Variants in FLNC observed in about 807,000 individuals in gnomAD.
The protein encoded by FLNC is filamin C.
In FLNC, 91 loss-of-function variants were observed where a neutral mutation model predicts 254.3. The ratio of observed to expected loss-of-function variants is 0.36; its 90% CI spans 0.30 to 0.43. The LOEUF (loss-of-function observed/expected upper bound fraction) is 0.43, where lower values mean the gene tolerates loss of function less well. Ranked by LOEUF, FLNC falls within the 20% of genes least tolerant of loss-of-function variation. FLNC has a pLI of 1.00. For missense variants in FLNC, 2,853 were observed against 3,802.6 expected, an observed-to-expected ratio of 0.75 and a Z score of 6.57; for synonymous variants, 1,430 against 1,577.2, an observed-to-expected ratio of 0.91 and a Z score of 2.21.
chr7:128,858,792 C>T lies in FLNC; in HGVS notation c.*269C>T. The T allele has an allele frequency of 5.6e-6, 3 of 540,324 alleles. No homozygotes were observed. The highest frequency in any genetic ancestry group is 6.7e-6 in the Non-Finnish European group (2 of 298,968). 33.5% of individuals were successfully genotyped at this position (540,324 alleles called of 1,614,324 possible). On this transcript the variant is annotated 3_prime_UTR_variant, in exon 48 of 48. Transcript: ENST00000325888. This position sits in a 1 kb window ranked among gnomAD's most constrained non-coding sequence, Gnocchi z 6.7. ...CCAGGCTCAGGGGCAGAGGCTGGGA[C>T]ACAAGGGGCTGGCGAGGGCTGCGAG...
chr7:128,856,568 C>G lies in FLNC; in HGVS notation c.7302C>G (p.Asn2434Lys), dbSNP rs760533029. The change falls in exon 44 of 48, where the codon AAC becomes AAG. Residue 2434 changes from asparagine to lysine, a missense_variant. Asn to Lys is a moderately conservative substitution (Grantham distance 94). Around this residue, in one of 10 missense-constraint regions of FLNC, gnomAD observed 551 missense variants for 835.0 expected, o/e 0.66. Coordinates refer to ENST00000325888, the MANE Select transcript of FLNC (RefSeq NM_001458.5). The surrounding 1 kb of genome is among the most constrained non-coding windows in gnomAD (Gnocchi z 5.9). The stretch of plus-strand genomic sequence containing the variant: ...CAGCGTCCTTTGCCGTGCAGCTGAA[C>G]GGTGCCCGGGGCGTGATTGATGCCC... ...NQPASFAVQL[N>K]GARGVIDARV... 6.2e-7 allele frequency: 1 copy of G among 1,612,916 alleles called. No homozygotes were observed. The highest frequency in any genetic ancestry group is 1.1e-5 in the South Asian group (1 of 91,084).
intron 43 of FLNC, among the ~76,000 whole-genome samples, chr7:128,855,623 AT>A (rs2128939880): frequency 6.6e-6 from 1 of 152,320 alleles, no homozygotes; most frequent in South Asian, 2.1e-4. Context: ...AGATGACAAC[AT>A]TTATAAGAAT....
At position 128,842,805 on chromosome 7, in the gene FLNC, A is replaced by G; in HGVS notation, c.2401A>G (p.Ile801Val). 6.2e-7 allele frequency: 1 copy of G among 1,613,720 alleles called. No homozygotes were observed. The highest frequency in any genetic ancestry group is 8.5e-7 in the Non-Finnish European group (1 of 1,179,996). ...CCGCTTCTCTGCAGGCGACGTGAGC[A>G]TCGGCATCAAGTGCGCCCCAGGCGT... Reference protein sequence around the residue: ...CSEAGQGDVSIGIKCAPGVVG... With the variant: ...CSEAGQGDVSVGIKCAPGVVG... The change falls in exon 16 of 48, where the codon ATC becomes GTC. Residue 801 changes from isoleucine (I) to valine (V), a missense_variant. Physicochemically the swap from Ile to Val is conservative, Grantham distance 29. Coordinates refer to ENST00000325888, the MANE Select transcript of FLNC (RefSeq NM_001458.5). The surrounding 1 kb of genome is among the most constrained non-coding windows in gnomAD (Gnocchi z 5.4).
At chr7:128,844,373 C>T in intron 20 of FLNC, 107 bp downstream of exon 20, 1 of 1,369,658 alleles carries the variant, frequency 7.3e-7, no homozygotes, top group Non-Finnish European at 9.8e-7. Context: ...GGAGTGGGCA[C>T]AGCCAAGGGT....
Position 128,840,041 on chromosome 7 carries a change from G to T in FLNC, c.1430G>T (p.Cys477Phe). ...HVSEACNPNA[C>F]RASGRGLQPK... is the part of the protein sequence containing the mutation. ...CCCCTAGCCTGTAACCCCAACGCCT[G>T]CCGCGCCTCTGGGCGAGGCCTGCAG... is the stretch of plus-strand genomic sequence containing the variant. Residue 477 changes from cysteine (C) to phenylalanine (F), a missense_variant, in exon 9 of 48, where the codon TGC (cysteine) becomes TTC (phenylalanine). By Grantham distance (205) the Cys-to-Phe change is radical. Coordinates refer to ENST00000325888, the MANE Select transcript of FLNC (RefSeq NM_001458.5). The T allele has an allele frequency of 6.2e-7, 1 of 1,613,850 alleles. No homozygotes were observed. The highest frequency in any genetic ancestry group is 8.5e-7 in the Non-Finnish European group (1 of 1,180,028).
rs377644900 is a variant in FLNC at position 128,835,953 on chromosome 7, C to T, written c.601+379C>T. ...CTGTGCCACGAGGCACTATTCCTGC[C>T]GAGCTGAGAGAGAGGCAGTGTGGTG... On this transcript the variant is annotated intron_variant, in intron 2 of 47. Coordinates refer to ENST00000325888, the MANE Select transcript of FLNC (RefSeq NM_001458.5). This position sits in a 1 kb window ranked among gnomAD's most constrained non-coding sequence, Gnocchi z 5.3. Among the ~76,000 whole-genome samples, 23 of 152,292 alleles carry T rather than the reference C, an allele frequency of 1.5e-4. No homozygotes were observed. The South Asian group carries it at 2.3e-3, about 15-fold the overall frequency.
rs369881758 is a variant in FLNC, at chr7:128,851,456, G to A, written c.5670G>A (p.Gly1890=). 12 of 1,613,856 alleles carry A rather than the reference G, an allele frequency of 7.4e-6. No homozygotes were observed. Among genetic ancestry groups the A allele is most frequent in the Non-Finnish European group, 9.3e-6 (11 of 1,180,040 alleles). Residue 1890 remains glycine, a splice_region_variant and synonymous_variant, in exon 35 of 48, where the codon GGG becomes GGA. Coordinates refer to ENST00000325888, the MANE Select transcript of FLNC (RefSeq NM_001458.5). ...FTIVTKDAGE[G]GLSLAVEGPS... Reference sequence around the variant, plus strand: ...TCTTGGCCACACCTCCACCTACAGGGGGTCTGTCACTGGCCGTGGAGGGCC... The same window carrying A: ...TCTTGGCCACACCTCCACCTACAGGAGGTCTGTCACTGGCCGTGGAGGGCC...
At chr7:128,848,754 C>T (rs749081887) in intron 27 of FLNC, 37 bp downstream of exon 27, 1 of 1,614,130 alleles carries the variant, frequency 6.2e-7, no homozygotes, top group Non-Finnish European at 8.5e-7. Flanking sequence ...AGGTCATGCT[C>T]CAGGCACAGG....
intron 1 of FLNC, among the ~76,000 whole-genome samples, chr7:128,832,116 G>C (rs1807916675): frequency 6.6e-6 from 1 of 152,152 alleles, no homozygotes; most frequent in Non-Finnish European, 1.5e-5. Context: ...CTCTCCCTTG[G>C]GGCCATCTCT....
intron 18 of FLNC, 34 bp from the exon 19 acceptor site, chr7:128,843,762 A>T: frequency 6.3e-7 from 1 of 1,590,982 alleles, no homozygotes; most frequent in Non-Finnish European, 8.6e-7. Context: ...ACCTTGCCTT[A>T]TATCCAGTTC....
Position 128,847,549 on chromosome 7 carries a change from T to G in FLNC, c.4289-148T>G. ...TTCATTTATTCTTGTGTGTGTTTTC[T>G]TAGCAAGTTCCTAGCCATTTTCCCA... On this transcript the variant is annotated intron_variant, in intron 24 of 47. Coordinates refer to ENST00000325888, the MANE Select transcript of FLNC (RefSeq NM_001458.5). 4.6e-6 allele frequency: 4 copies of G among 864,672 alleles called. No individual in the cohort carries two copies. In the Admixed American group the frequency reaches 8.2e-5, roughly 18 times the overall value. 53.6% of individuals were successfully genotyped at this position (864,672 alleles called of 1,614,324 possible).
intron 9 of FLNC, 143 bp downstream of exon 9, chr7:128,840,303 A>G: frequency 9.3e-7 from 1 of 1,079,516 alleles, no homozygotes; most frequent in South Asian, 1.4e-5. Context: ...TCTCAGGCTC[A>G]TTGTCTCCTC....
At chr7:128,843,967 C>A in intron 19 of FLNC, 37 bp from the exon 20 acceptor site, 1 of 1,614,054 alleles carries the variant, frequency 6.2e-7, no homozygotes, top group Non-Finnish European at 8.5e-7. Context: ...TAGGGTGGAC[C>A]GGAGTCTCCT....
chr7:128,849,013 T>C (rs749658463), intron 28 of FLNC, 31 bp downstream of exon 28: 1 of 1,605,902 alleles, frequency 6.2e-7, no homozygotes, highest in African/African-American at 1.3e-5. Context: ...CGTGCCCTGC[T>C]CACCACCCAG....
Position 128,840,138 on chromosome 7 carries a change from C to T in FLNC, c.1527C>T (p.Leu509=), listed in dbSNP as rs769461137. 1.2e-6 allele frequency: 2 copies of T among 1,613,966 alleles called. No homozygotes were observed. The highest frequency in any genetic ancestry group is 1.6e-4 in the Middle Eastern group (1 of 6,062). ...VFTKGAGSGE[L]KVTVKGPKGT... Reference sequence around the variant, plus strand: ...CCAAGGGTGCCGGCAGCGGGGAGCTCAAGGTCACGGTCAAGGGGCCAAGTG... The same window carrying T: ...CCAAGGGTGCCGGCAGCGGGGAGCTTAAGGTCACGGTCAAGGGGCCAAGTG... Residue 509 remains leucine (L), a synonymous_variant, in exon 9 of 48, where the codon CTC becomes CTT. Coordinates refer to ENST00000325888, the MANE Select transcript of FLNC (RefSeq NM_001458.5).
rs34045649 is a variant in FLNC, at chr7:128,834,311, G to GCC, written c.353-1004_353-1003dup. On this transcript the variant is annotated intron_variant, in intron 1 of 47. Coordinates refer to ENST00000325888, the MANE Select transcript of FLNC (RefSeq NM_001458.5). ...TCTGATTGTTAAGGGGGATCTAGGCGCCCCCCCCCCCCAAATCTTGAGGAA... is the reference window on the plus strand; with the variant it reads ...TCTGATTGTTAAGGGGGATCTAGGCGCCCCCCCCCCCCCCAAATCTTGAGGAA... Among the ~76,000 whole-genome samples the GCC allele has an allele frequency of 5.8e-3, 729 of 125,498 alleles. 26 individuals are homozygous for GCC. The highest frequency in any genetic ancestry group is 7.9e-3 in the Middle Eastern group (2 of 254). 82.3% of individuals were successfully genotyped at this position (125,498 alleles called of 152,430 possible). A position where few individuals can be genotyped will look rare whatever the true frequency, so the allele number is the denominator to read the frequency against.
chr7:128,846,781 G>A lies in FLNC; in HGVS notation c.4164G>A (p.Glu1388=), dbSNP rs1273630397. 1.2e-6 allele frequency: 2 copies of A among 1,614,066 alleles called. No homozygotes were observed. The highest frequency in any genetic ancestry group is 3.3e-5 in the Admixed American group (2 of 60,000). ...AGTGGLGLAI[E]GPSEAKMSCK... is the part of the protein sequence containing the mutation. Reference sequence around the variant, plus strand: ...CCGGGGGCCTTGGCCTAGCCATCGAGGGTCCCTCGGAAGCCAAGATGTCCT... The same window carrying A: ...CCGGGGGCCTTGGCCTAGCCATCGAAGGTCCCTCGGAAGCCAAGATGTCCT... Residue 1388 remains glutamate, a synonymous_variant, in exon 24 of 48, where the codon GAG becomes GAA. Transcript: ENST00000325888.
rs3778755 is a variant in FLNC at position 128,831,229 on chromosome 7, G to C, written c.352+240G>C. 7.5e-3 allele frequency among the ~76,000 whole-genome samples: 1,143 copies of C among 152,164 alleles called. 8 individuals are homozygous for C. The highest frequency in any genetic ancestry group is 0.031 in the South Asian group (150 of 4,816). ...GGTGCCCCGGGGAGTCCAGGCCTTAGGGTTTGCGAGCCCTCCAGCTGCCGC... is the reference window on the plus strand; with the variant it reads ...GGTGCCCCGGGGAGTCCAGGCCTTACGGTTTGCGAGCCCTCCAGCTGCCGC... On this transcript the variant is annotated intron_variant, in intron 1 of 47. Transcript: ENST00000325888.
intron 23 of FLNC, 22 bp from the exon 24 acceptor site, chr7:128,846,723 A>G: frequency 6.2e-7 from 1 of 1,611,738 alleles, no homozygotes; most frequent in South Asian, 1.1e-5. Context: ...TATGAAGCTG[A>G]TGGGGGGATG....
Sources: allele counts gnomAD v4.1 joint callset (sites outside exome capture counted in the v4.1 genomes callset), GRCh38; gene constraint gnomAD v4.1.1; regional missense constraint gnomAD v4.1.1; non-coding constraint Gnocchi (gnomAD v3.1); transcripts MANE v1.5; gene names NCBI Gene and HGNC (gene_info 2026-07-23, HGNC 2026-07-21).